Variants in FAM13A observed in about 807,000 individuals in gnomAD.
FAM13A encodes family with sequence similarity 13 member A, also known as protein FAM13A.
A neutral mutation model predicts 129.6 loss-of-function variants in FAM13A; 76 were observed. The observed-to-expected ratio is 0.59, with a 90% CI of 0.49 to 0.71. The LOEUF (loss-of-function observed/expected upper bound fraction) is 0.71. Among genes scored for constraint, FAM13A ranks in the 30% least tolerant of loss-of-function variants. The pLI, the probability that FAM13A is intolerant of heterozygous loss-of-function variation, is 0.00. For missense variants in FAM13A, 1,108 were observed against 1,249.3 expected, an observed-to-expected ratio of 0.89 and a Z score of 1.70; for synonymous variants, 443 against 449.9, an observed-to-expected ratio of 0.98 and a Z score of 0.20.
intron 6 of FAM13A, among the ~76,000 whole-genome samples, chr4:88,890,546 T>C (rs1745147705): frequency 6.6e-6 from 1 of 151,962 alleles, no homozygotes; most frequent in Non-Finnish European, 1.5e-5. Flanking sequence ...AGCTTCAATA[T>C]CACAACACAT....
At chr4:88,940,574 G>A (rs955626234) in intron 4 of FAM13A, among the ~76,000 whole-genome samples, 20 of 152,160 alleles carry the variant, frequency 1.3e-4, no homozygotes, top group African/African-American at 4.8e-4. Context: ...AAATAGAAAA[G>A]ACACTAAAAT....
At chr4:88,813,406 G>A (rs1730058490) in intron 7 of FAM13A, among the ~76,000 whole-genome samples, 1 of 152,070 alleles carries the variant, frequency 6.6e-6, no homozygotes, top group Admixed American at 6.6e-5. Context: ...ACGTTCTTTG[G>A]GGGGATGAAA....
At chr4:89,037,869 T>C (rs1250513346) in intron 1 of FAM13A, among the ~76,000 whole-genome samples, 1 of 152,208 alleles carries the variant, frequency 6.6e-6, no homozygotes, top group Non-Finnish European at 1.5e-5. Context: ...CCCCTTCGCC[T>C]ACCACTATGG....
intron 7 of FAM13A, chr4:88,822,881 A>C: frequency 6.5e-7 from 1 of 1,547,020 alleles, no homozygotes; most frequent in Non-Finnish European, 8.7e-7. Context: ...ACTTTGCAGC[A>C]TGTTACTAAA....
At chr4:88,913,894 A>T (rs909401936) in intron 5 of FAM13A, among the ~76,000 whole-genome samples, 1 of 152,040 alleles carries the variant, frequency 6.6e-6, no homozygotes, top group Non-Finnish European at 1.5e-5. Context: ...GTATGTTCAA[A>T]CTTGAGCTTA....
intron 5 of FAM13A, among the ~76,000 whole-genome samples, chr4:88,932,094 G>A (rs1753124730): frequency 6.6e-6 from 1 of 152,214 alleles, no homozygotes; most frequent in South Asian, 2.1e-4. Flanking sequence ...CTGACACTAA[G>A]TTGCTACAGT....
At chr4:88,750,257 A>C (rs565770970) in intron 15 of FAM13A, among the ~76,000 whole-genome samples, 167 bp downstream of exon 15, 1 of 152,290 alleles carries the variant, frequency 6.6e-6, no homozygotes, top group African/African-American at 2.4e-5. Flanking sequence ...CCACAGCTCA[A>C]ATGGGAAACT....
intron 1 of FAM13A, among the ~76,000 whole-genome samples, chr4:89,049,887 T>C (rs1771328062): frequency 6.6e-6 from 1 of 152,242 alleles, no homozygotes; most frequent in Admixed American, 6.5e-5. Context: ...AAAATACACT[T>C]AGGTGAAACT....
intron 1 of FAM13A, among the ~76,000 whole-genome samples, chr4:89,033,914 T>C (rs1769024636): frequency 6.6e-6 from 1 of 152,170 alleles, no homozygotes; most frequent in South Asian, 2.1e-4. Context: ...CCTTTCACCA[T>C]ATACAAAAAT....
intron 11 of FAM13A, among the ~76,000 whole-genome samples, chr4:88,771,265 C>G (rs533997744): frequency 6.8e-6 from 1 of 146,360 alleles, no homozygotes; most frequent in African/African-American, 2.5e-5. Flanking sequence ...AATTTGTATT[C>G]TTTGTCTTGG....
chr4:88,815,011 T>TA, intron 7 of FAM13A, among the ~76,000 whole-genome samples: 1 of 152,038 alleles, frequency 6.6e-6, no homozygotes. Context: ...AGATAATTTT[T>TA]AAAAAAAATT....
chr4:89,045,492 T>C (rs1045301922), intron 1 of FAM13A, among the ~76,000 whole-genome samples: 11 of 152,182 alleles, frequency 7.2e-5, no homozygotes, highest in Non-Finnish European at 1.5e-4. Flanking sequence ...ACAAAATCTT[T>C]GTTTAAATAA....
chr4:88,897,447 T>A (rs1174603407), intron 6 of FAM13A, among the ~76,000 whole-genome samples: 4 of 152,192 alleles, frequency 2.6e-5, no homozygotes, highest in Admixed American at 2.0e-4. Context: ...ACACTTTTCA[T>A]TGCTCAAGAG....
chr4:88,753,217 T>A (rs1198562489), intron 14 of FAM13A, among the ~76,000 whole-genome samples: 4 of 152,184 alleles, frequency 2.6e-5, no homozygotes, highest in African/African-American at 9.7e-5. Context: ...CTTATAAGAG[T>A]GTGTGATAAG....
chr4:88,831,933 A>T (rs749400233), intron 7 of FAM13A, among the ~76,000 whole-genome samples: 1 of 152,206 alleles, frequency 6.6e-6, no homozygotes, highest in African/African-American at 2.4e-5. Context: ...CAAATAGCCA[A>T]GACGATCTCA....
intron 1 of FAM13A, among the ~76,000 whole-genome samples, chr4:89,041,221 C>A (rs536175865): frequency 6.6e-6 from 1 of 152,218 alleles, no homozygotes; most frequent in African/African-American, 2.4e-5. Flanking sequence ...TTCAAAACAG[C>A]TAGAAGAAAG....
chr4:88,910,967 C>T (rs1446046687), intron 5 of FAM13A, among the ~76,000 whole-genome samples: 4 of 152,146 alleles, frequency 2.6e-5, no homozygotes, highest in African/African-American at 4.8e-5. Context: ...TCTTTATTGT[C>T]CATCTCACCC....
chr4:88,901,294 T>C (rs1046400588), intron 6 of FAM13A, among the ~76,000 whole-genome samples: 1 of 152,158 alleles, frequency 6.6e-6, no homozygotes, highest in Non-Finnish European at 1.5e-5. Flanking sequence ...CAAGCAGACC[T>C]GATAGATACC....
At chr4:88,884,173 C>A (rs1208693095) in intron 6 of FAM13A, among the ~76,000 whole-genome samples, 1 of 151,144 alleles carries the variant, frequency 6.6e-6, no homozygotes, top group Admixed American at 6.6e-5. Flanking sequence ...GCCAGTATCA[C>A]CCTAATACCA....
Sources: allele counts gnomAD v4.1 joint callset (sites outside exome capture counted in the v4.1 genomes callset), GRCh38; gene constraint gnomAD v4.1.1; transcripts MANE v1.5; gene names NCBI Gene and HGNC (gene_info 2026-07-23, HGNC 2026-07-21).